TENT4B: variants seen among roughly 807,000 people sequenced by gnomAD.
TENT4B encodes terminal nucleotidyltransferase 4B, also known as PAP associated domain containing 5.
A neutral mutation model predicts 75.0 loss-of-function variants in TENT4B; 10 were observed. The ratio of observed to expected loss-of-function variants is 0.13; its 90% confidence interval spans 0.08 to 0.23. TENT4B has a LOEUF of 0.23. Ranked by LOEUF, TENT4B falls within the 10% of genes least tolerant of loss-of-function variation. The pLI, the probability that TENT4B is intolerant of heterozygous loss-of-function variation, is 1.00. For missense variants in TENT4B, 579 were observed against 893.8 expected, an observed-to-expected ratio of 0.65 and a Z score of 4.49; for synonymous variants, 350 against 357.7, an observed-to-expected ratio of 0.98 and a Z score of 0.24.
rs1384785989 is a variant in TENT4B, at chr16:50,229,135, G to A, written c.1966-17G>A. On this transcript the variant is annotated splice_polypyrimidine_tract_variant and intron_variant, in intron 11 of 11. Transcript: ENST00000561678. ...CTGCAATACTGATGTCTTTGTGGTCGTTTTCTGTTTCTGCAGCATGGATCA... is the reference window on the plus strand; with the variant it reads ...CTGCAATACTGATGTCTTTGTGGTCATTTTCTGTTTCTGCAGCATGGATCA... The A allele has an allele frequency of 1.6e-5, 26 of 1,610,352 alleles. No homozygotes were observed. Among genetic ancestry groups the A allele is most frequent in the South Asian group, 6.6e-5 (6 of 90,298 alleles).
At chr16:50,184,906 A>T (rs2038496163) in intron 1 of TENT4B, among the ~76,000 whole-genome samples, 1 of 152,002 alleles carries the variant, frequency 6.6e-6, no homozygotes, top group South Asian at 2.1e-4. Flanking sequence ...CTCTTGGGTC[A>T]ATATCTAGGA....
At chr16:50,226,787 G>T (rs60169085) in intron 10 of TENT4B, among the ~76,000 whole-genome samples, 1 of 152,028 alleles carries the variant, frequency 6.6e-6, no homozygotes, top group Non-Finnish European at 1.5e-5. Flanking sequence ...GTGGTTTTTA[G>T]AACATATTCA....
rs923079007 is a variant in TENT4B at position 50,233,366 on chromosome 16, G to C, written c.*4038G>C. On this transcript the variant is annotated 3_prime_UTR_variant, in exon 12 of 12. Transcript: ENST00000561678. The stretch of plus-strand genomic sequence containing the variant: ...AAGATCAAATTTTAATATGCTTCTC[G>C]ATATTTAACATAGCTAAGAAGCCAG... The C allele has an allele frequency of 1.0e-6, 1 of 985,134 alleles. No individual in the cohort carries two copies. The highest frequency in any genetic ancestry group is 6.2e-5 in the Admixed American group (1 of 16,248). The allele number at this position is 985,134 out of a possible 1,614,324, so 61.0% of individuals were successfully genotyped here.
chr16:50,168,707 G>A (rs1439454078), intron 1 of TENT4B, among the ~76,000 whole-genome samples: 3 of 151,738 alleles, frequency 2.0e-5, no homozygotes, highest in Middle Eastern at 6.8e-3. Flanking sequence ...ATGCTGTGGC[G>A]TGACCTGTGC....
intron 7 of TENT4B, among the ~76,000 whole-genome samples, chr16:50,224,008 T>A (rs2031938258): frequency 6.6e-6 from 1 of 152,216 alleles, no homozygotes; most frequent in African/African-American, 2.4e-5. Flanking sequence ...TAAAATAGAT[T>A]CTGCGTTATT....
In TENT4B at chr16:50,232,217, G is replaced by C. The variant is rs1473088973; in HGVS notation, c.*2889G>C. On this transcript the variant is annotated 3_prime_UTR_variant, in exon 12 of 12. Transcript: ENST00000561678. Reference sequence around the variant, plus strand: ...TTTAAGGTGACTGTGAAGGTGCCTGGTTTTGAATGTCTTTGTTTGGTTTGG... The same window carrying C: ...TTTAAGGTGACTGTGAAGGTGCCTGCTTTTGAATGTCTTTGTTTGGTTTGG... The C allele has an allele frequency of 4.1e-6, 4 of 985,250 alleles. No individual in the cohort carries two copies. The African/African-American group carries it at 7.0e-5, about 17-fold the overall frequency. The allele number at this position is 985,250 out of a possible 1,614,324, so 61.0% of individuals were successfully genotyped here. A position where few individuals can be genotyped will look rare whatever the true frequency, so the allele number is the denominator to read the frequency against.
rs552937989 is a variant in TENT4B, at chr16:50,201,863, A to G, written c.639-9460A>G. ...AAAAAAAAAAAAGCGGGCTGGATAC[A>G]GTGGTGCACACCTGTAACCCTAGCA... On this transcript the variant is annotated intron_variant, in intron 1 of 11. Coordinates refer to ENST00000561678, the MANE Select transcript of TENT4B (RefSeq NM_001365324.3). Among the ~76,000 whole-genome samples the G allele has an allele frequency of 1.9e-3, 279 of 148,872 alleles. 2 individuals carry two copies. Among genetic ancestry groups the G allele is most frequent in the African/African-American group, 6.0e-3 (242 of 40,550 alleles).
At position 50,217,595 on chromosome 16, in the gene TENT4B, A is replaced by G; in HGVS notation, c.970A>G (p.Lys324Glu). The change falls in exon 5 of 12, where the codon AAA becomes GAA. Residue 324 changes from lysine (K) to glutamate (E), a missense_variant. Transcript: ENST00000561678. ...IKLTDSFTEV[K>E]VDISFNVQNG... ...ATTAACAGATTCTTTTACTGAAGTG[A>G]AAGTTGATATCAGCTTTAATGTACA... The G allele has an allele frequency of 6.5e-7, 1 of 1,528,766 alleles. No individual in the cohort carries two copies. The highest frequency in any genetic ancestry group is 8.8e-7 in the Non-Finnish European group (1 of 1,140,880). The allele number at this position is 1,528,766 out of a possible 1,614,324, so 94.7% of individuals were successfully genotyped here. A position where few individuals can be genotyped will look rare whatever the true frequency, so the allele number is the denominator to read the frequency against.
chr16:50,204,682 A>G (rs1240508929), intron 1 of TENT4B, among the ~76,000 whole-genome samples: 1 of 152,160 alleles, frequency 6.6e-6, no homozygotes, highest in Non-Finnish European at 1.5e-5. Context: ...AGAAAATCAA[A>G]CAGTACAAAA....
chr16:50,216,170 C>T lies in TENT4B; in HGVS notation c.905C>T (p.Ser302Leu). ...LRKHKVADED[S>L]VKVLDKATVP... Reference sequence around the variant, plus strand: ...AAACACAAAGTCGCAGATGAGGATTCGGTGAAAGTTTTAGACAAAGCAACT... The same window carrying T: ...AAACACAAAGTCGCAGATGAGGATTTGGTGAAAGTTTTAGACAAAGCAACT... The change falls in exon 4 of 12, where the codon TCG becomes TTG. Residue 302 changes from serine to leucine, a missense_variant. Physicochemically the swap from Ser to Leu is moderately radical, Grantham distance 145 (BLOSUM62 -2). This residue lies in a region of TENT4B where 55 missense variants were observed against 77.1 expected (regional missense o/e 0.71). Coordinates refer to ENST00000561678, the MANE Select transcript of TENT4B (RefSeq NM_001365324.3). 1.2e-6 allele frequency: 2 copies of T among 1,613,902 alleles called. No homozygotes were observed. Among genetic ancestry groups the T allele is most frequent in the Non-Finnish European group, 1.7e-6 (2 of 1,179,844 alleles).
chr16:50,225,414 A>G (rs1596754857), intron 10 of TENT4B, 129 bp downstream of exon 10: 5 of 895,772 alleles, frequency 5.6e-6, no homozygotes, highest in East Asian at 5.2e-5. Context: ...AATAACTTTC[A>G]TGCTTGTACA....
Position 50,153,976 on chromosome 16 carries a change from G to C in TENT4B, c.355G>C (p.Gly119Arg), listed in dbSNP as rs1166580310. ...CAACAACAACAACCACCACCAGCCC[G>C]GGGCCTGGGCCCGCCGGGCGGGCTC... ...TNNNNNHHQP[G>R]AWARRAGSSA... The change falls in exon 1 of 12, where the codon GGG becomes CGG. Residue 119 changes from glycine to arginine, a missense_variant. Transcript: ENST00000561678. 1.1e-5 allele frequency: 17 copies of C among 1,533,796 alleles called. No individual in the cohort carries two copies. The highest frequency in any genetic ancestry group is 5.5e-5 in the African/African-American group (4 of 72,820).
intron 1 of TENT4B, among the ~76,000 whole-genome samples, chr16:50,169,571 TTA>T (rs2038168385): frequency 1.3e-5 from 2 of 152,142 alleles, no homozygotes; most frequent in South Asian, 4.1e-4. Context: ...TTTTCTGTTG[TTA>T]GCTGGAATGC....
intron 11 of TENT4B, 36 bp downstream of exon 11, chr16:50,228,039 G>T: frequency 6.3e-7 from 1 of 1,589,162 alleles, no homozygotes; most frequent in South Asian, 1.1e-5. Context: ...GTTAGTATTT[G>T]ATACAAAATA....
intron 1 of TENT4B, among the ~76,000 whole-genome samples, chr16:50,194,216 C>CTTTTTT (rs5816679): frequency 1.4e-5 from 2 of 139,800 alleles, no homozygotes; most frequent in Non-Finnish European, 1.5e-5. Flanking sequence ...TCTTTTCTTT[C>CTTTTTT]TTTTTTTTTT....
chr16:50,210,015 G>A (rs144195707), intron 1 of TENT4B, among the ~76,000 whole-genome samples: 1 of 152,146 alleles, frequency 6.6e-6, no homozygotes, highest in Non-Finnish European at 1.5e-5. Context: ...GCTCTGTTAA[G>A]CTGTGGCTGC....
Position 50,234,421 on chromosome 16 carries a change from A to AATG in TENT4B, c.*5097_*5099dup. On this transcript the variant is annotated 3_prime_UTR_variant, in exon 12 of 12. Coordinates refer to ENST00000561678, the MANE Select transcript of TENT4B (RefSeq NM_001365324.3). ...AGGCCATGCCTTTCAAAGAGAGTGA[A>AATG]ATGATGGGTTATCAGCCACATTCTT... The AATG allele has an allele frequency of 1.0e-6, 1 of 985,448 alleles. No individual in the cohort carries two copies. Among genetic ancestry groups the AATG allele is most frequent in the South Asian group, 4.7e-5 (1 of 21,290 alleles). 61.0% of individuals were successfully genotyped at this position (985,448 alleles called of 1,614,324 possible).
intron 1 of TENT4B, among the ~76,000 whole-genome samples, chr16:50,204,423 A>G (rs1263521844): frequency 1.3e-5 from 2 of 152,208 alleles, no homozygotes; most frequent in Non-Finnish European, 2.9e-5. Flanking sequence ...AACTCAGGGA[A>G]GAAAACACAG....
chr16:50,181,936 T>C (rs2038423601), intron 1 of TENT4B, among the ~76,000 whole-genome samples: 1 of 152,102 alleles, frequency 6.6e-6, no homozygotes, highest in African/African-American at 2.4e-5. Context: ...TACCAGGTGA[T>C]AGTAACCAGA....
Sources: gnomAD v4.1 joint callset for allele counts (sites outside exome capture counted in the v4.1 genomes callset) on GRCh38, gnomAD v4.1.1 for gene constraint, gnomAD v4.1.1 regional missense constraint, MANE v1.5 for transcripts, NCBI Gene and HGNC (gene_info 2026-07-23, HGNC 2026-07-21) for gene names.